NXPE2: variants seen among roughly 807,000 people sequenced by gnomAD.
NXPE2 encodes the protein neurexophilin and PC-esterase domain family member 2.
NXPE2 carries 34 observed loss-of-function variants against 34.4 expected under a neutral mutation model. The ratio of observed to expected loss-of-function variants is 0.99; its 90% CI spans 0.75 to 1.31. NXPE2 has a LOEUF of 1.31. NXPE2 is among the 40% of genes most tolerant of loss of function. The probability of loss-of-function intolerance (pLI) is 0.00; values close to 1 mark genes in which losing one functional copy is unlikely to be tolerated. For missense variants in NXPE2, 649 were observed against 672.5 expected (o/e 0.97, Z 0.39); for synonymous variants, 235 against 231.3 (o/e 1.02, Z -0.15).
chr11:114,537,137 A>G, the NXPE2 span, among the ~76,000 whole-genome samples: 21 of 152,234 alleles, frequency 1.4e-4, no homozygotes, highest in Admixed American at 1.2e-3. Flanking sequence ...TATGCAAATC[A>G]ATAAATGTAA....
At chr11:114,635,535 C>T in the NXPE2 span, among the ~76,000 whole-genome samples, 30 of 152,006 alleles carry the variant, frequency 2.0e-4, 1 homozygote, top group Admixed American at 2.0e-3. Context: ...GCATCCCTGT[C>T]TTGTGCCAGT....
At chr11:114,494,470 C>G in the NXPE2 span, among the ~76,000 whole-genome samples, 1 of 152,070 alleles carries the variant, frequency 6.6e-6, no homozygotes, top group African/African-American at 2.4e-5. Flanking sequence ...TCTCCTTGAT[C>G]ATTTTGCTAC....
the NXPE2 span, among the ~76,000 whole-genome samples, chr11:114,805,122 C>T: frequency 6.6e-6 from 1 of 151,850 alleles, no homozygotes; most frequent in South Asian, 2.1e-4. Context: ...GAAGCTTTCT[C>T]AGTGATTCCC....
the NXPE2 span, among the ~76,000 whole-genome samples, chr11:114,737,054 A>AAC: frequency 2.6e-4 from 39 of 151,974 alleles, 1 homozygote; most frequent in African/African-American, 8.4e-4. Flanking sequence ...TCCCTCCTAG[A>AAC]ACACACACAC....
chr11:114,675,491 AG>A (rs1389346521), upstream of NXPE2, among the ~76,000 whole-genome samples: 1 of 151,870 alleles, frequency 6.6e-6, no homozygotes, highest in Non-Finnish European at 1.5e-5. Flanking sequence ...AGAAATACAT[AG>A]ATTTTCTATA....
At chr11:114,579,608 G>A in the NXPE2 span, among the ~76,000 whole-genome samples, 2 of 152,160 alleles carry the variant, frequency 1.3e-5, no homozygotes, top group African/African-American at 2.4e-5. Context: ...GAGAAGTTAT[G>A]TAAGAAACAA....
the NXPE2 span, among the ~76,000 whole-genome samples, chr11:114,637,018 T>G: frequency 6.6e-6 from 1 of 152,094 alleles, no homozygotes. Context: ...TGGGTATCGT[T>G]GTTGACTTTC....
At chr11:114,703,920 A>T (rs544643464) in intron 3 of NXPE2, 71 bp from the exon 4 acceptor site, 1 of 1,107,248 alleles carries the variant, frequency 9.0e-7, no homozygotes, top group Non-Finnish European at 1.3e-6. Context: ...GGTTTAATCC[A>T]TCTAAACCAG....
intron 3 of NXPE2, among the ~76,000 whole-genome samples, chr11:114,703,653 C>CATAGATAG (rs58702498): frequency 2.7e-3 from 282 of 102,906 alleles, no homozygotes; most frequent in Admixed American, 5.5e-3. Flanking sequence ...TTAAAATAAG[C>CATAGATAG]ATAGATAGAT....
the NXPE2 span, among the ~76,000 whole-genome samples, chr11:114,512,051 G>A: frequency 6.6e-6 from 1 of 152,158 alleles, no homozygotes; most frequent in African/African-American, 2.4e-5. Flanking sequence ...ATAATTCAAA[G>A]TGGTTCCATC....
At chr11:114,490,933 C>T in the NXPE2 span, among the ~76,000 whole-genome samples, 4 of 151,532 alleles carry the variant, frequency 2.6e-5, no homozygotes, top group African/African-American at 4.9e-5. Context: ...GAGGCCGAGG[C>T]GGGTGGATCA....
chr11:114,586,966 C>A, the NXPE2 span, among the ~76,000 whole-genome samples: 2 of 152,168 alleles, frequency 1.3e-5, no homozygotes, highest in Non-Finnish European at 2.9e-5. Context: ...CCTCCCCACA[C>A]CCCCTGTGAA....
the NXPE2 span, among the ~76,000 whole-genome samples, chr11:114,511,236 T>C: frequency 6.6e-6 from 1 of 152,206 alleles, no homozygotes; most frequent in Non-Finnish European, 1.5e-5. Flanking sequence ...TGCTGCATGA[T>C]CAGAAGTCAC....
At chr11:114,558,073 A>G in the NXPE2 span, among the ~76,000 whole-genome samples, 1 of 152,086 alleles carries the variant, frequency 6.6e-6, no homozygotes, top group Admixed American at 6.6e-5. Context: ...TTAACAGATC[A>G]AATATAACAT....
At chr11:114,497,315 G>A in the NXPE2 span, among the ~76,000 whole-genome samples, 198 of 152,270 alleles carry the variant, frequency 1.3e-3, no homozygotes, top group African/African-American at 4.6e-3. Context: ...TTTTCGTACA[G>A]CAAGTGCAAA....
At chr11:114,767,064 C>T in the NXPE2 span, among the ~76,000 whole-genome samples, 4 of 152,024 alleles carry the variant, frequency 2.6e-5, no homozygotes, top group Non-Finnish European at 4.4e-5. Flanking sequence ...ATTAAAGTTC[C>T]AGGCCAACCC....
At chr11:114,589,680 C>T in the NXPE2 span, among the ~76,000 whole-genome samples, 1 of 152,126 alleles carries the variant, frequency 6.6e-6, no homozygotes, top group African/African-American at 2.4e-5. Context: ...TGAGTTGTAA[C>T]CACTATGCCA....
chr11:114,691,271 T>A (rs533277252), intron 2 of NXPE2, among the ~76,000 whole-genome samples: 10 of 152,270 alleles, frequency 6.6e-5, no homozygotes, highest in Admixed American at 5.2e-4. Context: ...CTTTCTTTTT[T>A]TTCTTGGGGG....
chr11:114,722,625 C>T, the NXPE2 span, among the ~76,000 whole-genome samples: 1 of 152,122 alleles, frequency 6.6e-6, no homozygotes, highest in Non-Finnish European at 1.5e-5. Flanking sequence ...TCCTGGTTTT[C>T]TTGCTAAGGA....
Sources: allele counts gnomAD v4.1 joint callset (sites outside exome capture counted in the v4.1 genomes callset), GRCh38; gene constraint gnomAD v4.1.1; transcripts MANE v1.5; gene names NCBI Gene and HGNC (gene_info 2026-07-23, HGNC 2026-07-21).